SLC25A13: variants seen among roughly 807,000 people sequenced by gnomAD.
SLC25A13 encodes electrogenic aspartate/glutamate antiporter SLC25A13, mitochondrial.
In SLC25A13, 70 loss-of-function variants were observed where a neutral mutation model predicts 85.5. That is an observed-to-expected ratio of 0.82 (90% confidence interval 0.68 to 1.00). The LOEUF is 1.00. SLC25A13 is among the 50% of genes least tolerant of loss of function. SLC25A13 has a pLI of 0.00. For missense variants in SLC25A13, 765 were observed against 819.8 expected (o/e 0.93, Z 0.82); for synonymous variants, 259 against 288.7 (o/e 0.90, Z 1.04).
chr7:96,314,029 C>T (rs1335654205), intron 1 of SLC25A13, among the ~76,000 whole-genome samples: 1 of 151,770 alleles, frequency 6.6e-6, no homozygotes, highest in African/African-American at 2.4e-5. Flanking sequence ...ATGCATATGT[C>T]ATGCTGCTAA....
chr7:96,189,781 T>C, intron 7 of SLC25A13, 107 bp from the exon 8 acceptor site: 3 of 926,456 alleles, frequency 3.2e-6, no homozygotes, highest in Admixed American at 3.5e-5. Flanking sequence ...ACTTTATTAT[T>C]ATCATCAGTT....
intron 5 of SLC25A13, among the ~76,000 whole-genome samples, chr7:96,198,004 C>G (rs145374259): frequency 3.9e-5 from 6 of 152,278 alleles, no homozygotes; most frequent in Admixed American, 3.3e-4. Context: ...TGAAAAGTAG[C>G]AGGTTCCCTG....
rs1794912408 is a variant in SLC25A13, at chr7:96,192,901, T to G, written c.615+136A>C. The G allele has an allele frequency of 1.9e-5, 18 of 967,864 alleles. No homozygotes were observed. The South Asian group carries it at 2.7e-4, about 15-fold the overall frequency. 60.0% of individuals were successfully genotyped at this position (967,864 alleles called of 1,614,324 possible). A position where few individuals can be genotyped will look rare whatever the true frequency, so the allele number is the denominator to read the frequency against. On this transcript the variant is annotated intron_variant, in intron 6 of 17. Coordinates refer to ENST00000265631, the MANE Select transcript of SLC25A13 (RefSeq NM_014251.3). Reference sequence around the variant, plus strand: ...AGCCAAAACACACTCTTTGTTTGAGTTTAGTAATGTATGTGATCACATTAA... The same window carrying G: ...AGCCAAAACACACTCTTTGTTTGAGGTTAGTAATGTATGTGATCACATTAA...
chr7:96,239,575 C>T lies in SLC25A13; in HGVS notation c.213-4658G>A, dbSNP rs564455003. On this transcript the variant is annotated intron_variant, in intron 3 of 17. Coordinates refer to ENST00000265631, the MANE Select transcript of SLC25A13 (RefSeq NM_014251.3). ...TAGATTCCCTTTAAAATGAATCATG[C>T]AGCTCTGATTAACTCTATGACTAGA... Among the ~76,000 whole-genome samples, 49 of 152,178 alleles carry T rather than the reference C, an allele frequency of 3.2e-4. No individual in the cohort carries two copies. The South Asian group carries it at 3.5e-3, about 11-fold the overall frequency.
intron 1 of SLC25A13, among the ~76,000 whole-genome samples, chr7:96,309,880 T>A (rs145734261): frequency 4.6e-5 from 7 of 152,160 alleles, no homozygotes; most frequent in Non-Finnish European, 8.8e-5. Flanking sequence ...TATATGAAGA[T>A]AGGGTCTTTG....
At chr7:96,174,554 C>T (rs1047598445) in intron 11 of SLC25A13, among the ~76,000 whole-genome samples, 2 of 152,316 alleles carry the variant, frequency 1.3e-5, no homozygotes, top group African/African-American at 4.8e-5. Flanking sequence ...TCCCTGTATT[C>T]ACATCAAGTA....
intron 4 of SLC25A13, among the ~76,000 whole-genome samples, chr7:96,230,953 T>C (rs998891892): frequency 6.6e-6 from 1 of 151,772 alleles, no homozygotes; most frequent in African/African-American, 2.4e-5. Context: ...TACTGAAAAA[T>C]ACAAAAAATC....
At chr7:96,173,236 T>C (rs576289871) in intron 11 of SLC25A13, among the ~76,000 whole-genome samples, 16 of 152,364 alleles carry the variant, frequency 1.1e-4, no homozygotes, top group Non-Finnish European at 2.1e-4. Context: ...GTGATGTTAA[T>C]GAAAATTTTC....
At chr7:96,280,211 G>A (rs1001130278) in intron 2 of SLC25A13, among the ~76,000 whole-genome samples, 20 of 152,130 alleles carry the variant, frequency 1.3e-4, no homozygotes, top group African/African-American at 4.6e-4. Flanking sequence ...TTACTGCTGT[G>A]TCCTCAAATT....
chr7:96,221,541 A>G (rs1214527359), intron 4 of SLC25A13, among the ~76,000 whole-genome samples: 1 of 152,184 alleles, frequency 6.6e-6, no homozygotes, highest in African/African-American at 2.4e-5. Flanking sequence ...CTTTTCGAAT[A>G]TTTCATTTTC....
In SLC25A13 at chr7:96,177,399, G is replaced by C. The variant is rs149385952; in HGVS notation, c.1178-5875C>G. ...ACTTAAATGATCCTTAACCTCTGCT[G>C]ACAAGCAACTTTTCACAATGTAATT... On this transcript the variant is annotated intron_variant, in intron 11 of 17. Coordinates refer to ENST00000265631, the MANE Select transcript of SLC25A13 (RefSeq NM_014251.3). 6.2e-3 allele frequency among the ~76,000 whole-genome samples: 946 copies of C among 152,310 alleles called. 9 individuals are homozygous for C. The highest frequency in any genetic ancestry group is 0.021 in the African/African-American group (889 of 41,562).
In SLC25A13 at chr7:96,121,016, T is replaced by C. The variant is rs144877897; in HGVS notation, c.*175A>G. 3,552 of 771,954 alleles carry C rather than the reference T, an allele frequency of 4.6e-3. 87 individuals carry two copies. The African/African-American group carries it at 0.053, about 12-fold the overall frequency. 47.8% of individuals were successfully genotyped at this position (771,954 alleles called of 1,614,324 possible). On this transcript the variant is annotated 3_prime_UTR_variant, in exon 18 of 18. Transcript: ENST00000265631. ...ATAATAATTATGAATAATTTCACAA[T>C]GATCTGGTTAAGAAAACACCCAGAA...
chr7:96,129,202 C>T (rs141487409), intron 15 of SLC25A13, among the ~76,000 whole-genome samples: 110 of 152,270 alleles, frequency 7.2e-4, no homozygotes, highest in African/African-American at 2.5e-3. Context: ...GCTTCTACCC[C>T]ACACCTGTTT....
chr7:96,148,746 T>A (rs1160235613), intron 13 of SLC25A13, among the ~76,000 whole-genome samples: 1 of 152,042 alleles, frequency 6.6e-6, no homozygotes, highest in African/African-American at 2.4e-5. Context: ...GAGAAACCAG[T>A]CTTCTTGGAA....
At position 96,193,074 on chromosome 7, in the gene SLC25A13, T is replaced by TG. The variant is rs1562831563; in HGVS notation, c.577dup (p.His193ProfsTer24). ...TTCTTCTACAAAAGGAGTCAAGACA[T>TG]GGGGGCGGATGGTGACCATGATGTC... On this transcript the variant is annotated frameshift_variant, in exon 6 of 18. Coordinates refer to ENST00000265631, the MANE Select transcript of SLC25A13 (RefSeq NM_014251.3). LOFTEE classifies it high-confidence loss of function. 6.2e-7 allele frequency: 1 copy of TG among 1,614,090 alleles called. No homozygotes were observed. Among genetic ancestry groups the TG allele is most frequent in the Non-Finnish European group, 8.5e-7 (1 of 1,180,008 alleles).
At chr7:96,287,339 C>T (rs1424216174) in intron 2 of SLC25A13, among the ~76,000 whole-genome samples, 1 of 152,196 alleles carries the variant, frequency 6.6e-6, no homozygotes, top group Non-Finnish European at 1.5e-5. Flanking sequence ...CCCCTGACGT[C>T]ATCTCTTAGG....
At chr7:96,247,186 G>A (rs779933176) in intron 3 of SLC25A13, among the ~76,000 whole-genome samples, 29 of 152,074 alleles carry the variant, frequency 1.9e-4, no homozygotes, top group Non-Finnish European at 3.8e-4. Flanking sequence ...TTTTCTCTCC[G>A]GTTTAGCATA....
At chr7:96,131,260 G>A (rs879696260) in intron 15 of SLC25A13, among the ~76,000 whole-genome samples, 5 of 152,074 alleles carry the variant, frequency 3.3e-5, no homozygotes, top group African/African-American at 7.3e-5. Context: ...CCATCCCCCC[G>A]TAACACAGGG....
In SLC25A13 at chr7:96,125,752, GGTT is replaced by G. The variant is rs549730886; in HGVS notation, c.1592-3758_1592-3756del. 4.3e-3 allele frequency among the ~76,000 whole-genome samples: 630 copies of G among 147,900 alleles called. 3 individuals are homozygous for G. Among genetic ancestry groups the G allele is most frequent in the Non-Finnish European group, 6.9e-3 (466 of 67,610 alleles). Reference sequence around the variant, plus strand: ...ATTGCTACACATTACATTCTAGAGGGGTTTTTTTTTTTTTGCATGTCTTTATTT... The same window carrying G: ...ATTGCTACACATTACATTCTAGAGGGTTTTTTTTTTTGCATGTCTTTATTT... On this transcript the variant is annotated intron_variant, in intron 15 of 17. Transcript: ENST00000265631.
Sources: gnomAD v4.1 joint callset for allele counts (sites outside exome capture counted in the v4.1 genomes callset) on GRCh38, gnomAD v4.1.1 for gene constraint, MANE v1.5 for transcripts, NCBI Gene and HGNC (gene_info 2026-07-23, HGNC 2026-07-21) for gene names.